RBFOX1: variants seen among roughly 807,000 people sequenced by gnomAD.
The protein encoded by RBFOX1 is RNA binding protein fox-1 homolog 1.
In RBFOX1, 8 loss-of-function variants were observed where a neutral mutation model predicts 57.7. That is an observed-to-expected ratio of 0.14 (90% CI 0.08 to 0.25). The LOEUF (loss-of-function observed/expected upper bound fraction) is 0.25. Among genes scored for constraint, RBFOX1 ranks in the 10% least tolerant of loss-of-function variants. RBFOX1 has a pLI of 1.00. For synonymous variants in RBFOX1, 326 were observed against 222.4 expected (o/e 1.47, Z -4.15); for missense variants, 611 against 548.5 (o/e 1.11, Z -1.14).
intron 4 of RBFOX1, among the ~76,000 whole-genome samples, chr16:7,087,581 G>T (rs546185697): frequency 6.6e-6 from 1 of 151,258 alleles, no homozygotes; most frequent in African/African-American, 2.4e-5. Context: ...AGAGAGGGAG[G>T]GAGGGAGGGG....
chr16:6,483,466 C>G (rs1202015863), intron 2 of RBFOX1: 22 of 1,535,562 alleles, frequency 1.4e-5, no homozygotes, highest in Admixed American at 3.9e-5. Flanking sequence ...TGTGTTTTCC[C>G]GGTGAGGAAA....
intron 3 of RBFOX1, among the ~76,000 whole-genome samples, chr16:6,810,027 C>CTTTT (rs71145299): frequency 4.2e-5 from 6 of 142,650 alleles, no homozygotes; most frequent in South Asian, 2.2e-4. Flanking sequence ...TCTCTCTCAC[C>CTTTT]TTTTTTTTTT....
chr16:5,607,494 C>A (rs770467781), intron 3 of RBFOX1, among the ~76,000 whole-genome samples: 12 of 152,214 alleles, frequency 7.9e-5, no homozygotes, highest in Non-Finnish European at 1.5e-4. Flanking sequence ...ATGGCTGTGC[C>A]CCCTGGAGTC....
chr16:6,495,186 T>A (rs1300943348), intron 2 of RBFOX1, among the ~76,000 whole-genome samples: 1 of 152,176 alleles, frequency 6.6e-6, no homozygotes, highest in Non-Finnish European at 1.5e-5. Context: ...TGGTGGAATC[T>A]CGGCTCATTG....
At chr16:5,479,231 G>C (rs777914294) in intron 2 of RBFOX1, among the ~76,000 whole-genome samples, 1 of 152,020 alleles carries the variant, frequency 6.6e-6, no homozygotes, top group South Asian at 2.1e-4. Context: ...TCTTGGTGCT[G>C]TCATTTGATT....
intron 1 of RBFOX1, among the ~76,000 whole-genome samples, chr16:5,466,744 C>G (rs1322362695): frequency 6.6e-6 from 1 of 152,216 alleles, no homozygotes; most frequent in Non-Finnish European, 1.5e-5. Flanking sequence ...CTGCTCCAGG[C>G]TGCCTCCTAG....
intron 4 of RBFOX1, among the ~76,000 whole-genome samples, chr16:7,229,628 A>C (rs2093361812): frequency 8.3e-6 from 1 of 120,682 alleles, no homozygotes. Context: ...AGATGGAGGG[A>C]GGGAAGGGAA....
rs765306307 is a variant in RBFOX1 at position 6,697,972 on chromosome 16, A to G, written c.-16+43322A>G. Among the ~76,000 whole-genome samples the G allele has an allele frequency of 7.2e-5, 11 of 152,320 alleles. 1 individual carries two copies. The South Asian group carries it at 1.7e-3, about 23-fold the overall frequency. On this transcript the variant is annotated intron_variant, in intron 3 of 15. Transcript: ENST00000550418. ...AACCAACCAGAGAGTTGATTGGTCTATGGTATGTACTTATGTCTTAACTGA... is the reference window on the plus strand; with the variant it reads ...AACCAACCAGAGAGTTGATTGGTCTGTGGTATGTACTTATGTCTTAACTGA...
chr16:6,487,029 G>A (rs1435956122), intron 2 of RBFOX1, among the ~76,000 whole-genome samples: 7 of 151,918 alleles, frequency 4.6e-5, no homozygotes, highest in Admixed American at 3.3e-4. Context: ...GGAAACCATC[G>A]CATATTAAAT....
At chr16:6,346,182 C>G (rs1375653976) in intron 2 of RBFOX1, among the ~76,000 whole-genome samples, 1 of 152,062 alleles carries the variant, frequency 6.6e-6, no homozygotes, top group Non-Finnish European at 1.5e-5. Flanking sequence ...TTTTCCTTTC[C>G]AACACATATG....
chr16:7,497,218 T>A (rs1211314443), intron 4 of RBFOX1, among the ~76,000 whole-genome samples: 1 of 152,218 alleles, frequency 6.6e-6, no homozygotes, highest in Non-Finnish European at 1.5e-5. Context: ...GCCCACAACC[T>A]TATTTTCTAG....
chr16:6,896,895 A>T (rs934506615), intron 3 of RBFOX1, among the ~76,000 whole-genome samples: 1 of 152,176 alleles, frequency 6.6e-6, no homozygotes, highest in Non-Finnish European at 1.5e-5. Context: ...AATTTAGGTG[A>T]CATTTTTAAA....
At chr16:7,293,826 T>C (rs560717639) in intron 4 of RBFOX1, among the ~76,000 whole-genome samples, 1 of 152,230 alleles carries the variant, frequency 6.6e-6, no homozygotes, top group East Asian at 1.9e-4. Context: ...TCATCAGACT[T>C]TGAAGGTATG....
chr16:6,736,473 C>A (rs897675418), intron 3 of RBFOX1, among the ~76,000 whole-genome samples: 1 of 152,172 alleles, frequency 6.6e-6, no homozygotes, highest in South Asian at 2.1e-4. Context: ...CATGTCATTG[C>A]AAATGCTGTT....
At chr16:7,198,737 C>A (rs1022018166) in intron 4 of RBFOX1, among the ~76,000 whole-genome samples, 2 of 152,152 alleles carry the variant, frequency 1.3e-5, no homozygotes. Context: ...TGACTTTATT[C>A]GTGAAAGTGG....
chr16:5,834,041 G>A (rs2056371878), intron 3 of RBFOX1, among the ~76,000 whole-genome samples: 1 of 152,176 alleles, frequency 6.6e-6, no homozygotes, highest in Admixed American at 6.5e-5. Flanking sequence ...TCCAGCCCCA[G>A]GCCTGGCACC....
intron 3 of RBFOX1, among the ~76,000 whole-genome samples, chr16:6,809,554 T>C (rs1306812335): frequency 6.6e-6 from 1 of 152,152 alleles, no homozygotes; most frequent in African/African-American, 2.4e-5. Flanking sequence ...CCTGAGACTA[T>C]ATCCTATTGT....
chr16:6,783,536 T>C (rs1035508382), intron 3 of RBFOX1, among the ~76,000 whole-genome samples: 4 of 152,030 alleles, frequency 2.6e-5, no homozygotes, highest in African/African-American at 9.7e-5. Context: ...GAAAACTAAA[T>C]TCTACGCTTT....
chr16:7,185,755 T>C (rs1422912569), intron 4 of RBFOX1, among the ~76,000 whole-genome samples: 1 of 152,214 alleles, frequency 6.6e-6, no homozygotes, highest in Admixed American at 6.5e-5. Context: ...AGATATTGAA[T>C]TCCTTCTGAA....
Sources: allele counts gnomAD v4.1 joint callset (sites outside exome capture counted in the v4.1 genomes callset), GRCh38; gene constraint gnomAD v4.1.1; transcripts MANE v1.5; gene names NCBI Gene and HGNC (gene_info 2026-07-23, HGNC 2026-07-21).